Variants in DGKB observed in about 807,000 individuals in gnomAD.
DGKB encodes the protein diacylglycerol kinase beta.
A neutral mutation model predicts 114.3 loss-of-function variants in DGKB; 67 were observed. The observed-to-expected ratio is 0.59, with a 90% confidence interval of 0.48 to 0.72. The LOEUF (loss-of-function observed/expected upper bound fraction) is 0.72. DGKB is among the 30% of genes least tolerant of loss of function. The probability of loss-of-function intolerance (pLI) is 0.00; values close to 1 mark genes in which losing one functional copy is unlikely to be tolerated. For missense variants in DGKB, 907 were observed against 975.2 expected (o/e 0.93, Z 0.93); for synonymous variants, 398 against 323.1 (o/e 1.23, Z -2.49).
At position 14,517,306 on chromosome 7, in the gene DGKB, T is replaced by C. The variant is rs143738565; in HGVS notation, c.1771-39081A>G. ...CCTTATACCACATACAAAAATCAACTCAAGATAGATTAAAGACTTAAATGC... is the reference window on the plus strand; with the variant it reads ...CCTTATACCACATACAAAAATCAACCCAAGATAGATTAAAGACTTAAATGC... On this transcript the variant is annotated intron_variant, in intron 20 of 25. Coordinates refer to ENST00000402815, the MANE Select transcript of DGKB (RefSeq NM_001350709.2). Among the ~76,000 whole-genome samples, 10 of 151,726 alleles carry C rather than the reference T, an allele frequency of 6.6e-5. No homozygotes were observed. The East Asian group carries it at 1.9e-3, about 29-fold the overall frequency.
intron 23 of DGKB, among the ~76,000 whole-genome samples, chr7:14,249,978 A>G (rs1794990485): frequency 1.3e-5 from 2 of 151,580 alleles, no homozygotes; most frequent in Admixed American, 1.3e-4. Flanking sequence ...TTTTGTTGAG[A>G]GAGTCTTGTT....
At chr7:14,749,667 G>A (rs1400298389) in intron 4 of DGKB, among the ~76,000 whole-genome samples, 4 of 152,090 alleles carry the variant, frequency 2.6e-5, no homozygotes, top group Non-Finnish European at 4.4e-5. Context: ...GTGTGACACT[G>A]TCTTGTCACA....
At chr7:14,910,442 G>A (rs992066850) in intron 1 of DGKB, among the ~76,000 whole-genome samples, 1 of 151,952 alleles carries the variant, frequency 6.6e-6, no homozygotes, top group Non-Finnish European at 1.5e-5. Flanking sequence ...AAAAAGACTG[G>A]AAGACATAAA....
chr7:14,718,326 A>G (rs1386682030), intron 6 of DGKB, among the ~76,000 whole-genome samples: 2 of 152,202 alleles, frequency 1.3e-5, no homozygotes, highest in Non-Finnish European at 2.9e-5. Flanking sequence ...GGAAATAATC[A>G]GTAGTAAATG....
intron 1 of DGKB, among the ~76,000 whole-genome samples, chr7:14,920,221 C>T (rs1784447161): frequency 6.6e-6 from 1 of 152,064 alleles, no homozygotes; most frequent in Non-Finnish European, 1.5e-5. Flanking sequence ...AAAAGATATG[C>T]TACAGCCTCA....
Position 14,841,181 on chromosome 7 carries a change from T to C in DGKB, c.70+13A>G. 6.2e-7 allele frequency: 1 copy of C among 1,601,644 alleles called. No individual in the cohort carries two copies. Among genetic ancestry groups the C allele is most frequent in the Non-Finnish European group, 8.5e-7 (1 of 1,170,704 alleles). On this transcript the variant is annotated intron_variant, in intron 2 of 25. Transcript: ENST00000402815. ...ATGTCAAATAATCTCATAATATCAA[T>C]ATGAATACTTACACTCAGCATATTT... is the stretch of plus-strand genomic sequence containing the variant.
chr7:14,244,156 C>T (rs915285631), intron 23 of DGKB, among the ~76,000 whole-genome samples: 21 of 152,058 alleles, frequency 1.4e-4, no homozygotes, highest in Non-Finnish European at 2.4e-4. Flanking sequence ...AAAAGGAGAT[C>T]GAAAGTGGAC....
intron 6 of DGKB, among the ~76,000 whole-genome samples, chr7:14,709,426 G>C (rs1347274588): frequency 4.0e-5 from 5 of 123,604 alleles, no homozygotes; most frequent in Non-Finnish European, 8.7e-5. Context: ...CAGGGATCTA[G>C]AACTGGAAAT....
At chr7:14,758,543 G>T (rs1050572427) in intron 2 of DGKB, among the ~76,000 whole-genome samples, 2 of 151,988 alleles carry the variant, frequency 1.3e-5, no homozygotes, top group Non-Finnish European at 2.9e-5. Flanking sequence ...AATCAAGTTT[G>T]AATAATAATG....
chr7:14,622,148 C>G (rs142769017), intron 14 of DGKB, among the ~76,000 whole-genome samples: 1 of 152,138 alleles, frequency 6.6e-6, no homozygotes. Flanking sequence ...AGTTTCACAT[C>G]TAATGATCAG....
At chr7:14,258,783 A>C (rs752460020) in intron 23 of DGKB, among the ~76,000 whole-genome samples, 2 of 152,200 alleles carry the variant, frequency 1.3e-5, no homozygotes, top group African/African-American at 2.4e-5. Flanking sequence ...TAAATGGAAT[A>C]GTAATCATAT....
At chr7:14,958,835 G>A (rs561907572) in intron 1 of DGKB, among the ~76,000 whole-genome samples, 20 of 152,106 alleles carry the variant, frequency 1.3e-4, no homozygotes, top group South Asian at 4.1e-4. Flanking sequence ...TCTCTCCTCC[G>A]TGGGAGCCTC....
chr7:14,393,548 A>G (rs1005204445), intron 21 of DGKB, among the ~76,000 whole-genome samples: 2 of 152,054 alleles, frequency 1.3e-5, no homozygotes, highest in South Asian at 4.1e-4. Flanking sequence ...ACTGCAAAGT[A>G]TGAGAATTCA....
rs532162578 is a variant in DGKB, at chr7:14,415,812, T to C, written c.1835+62349A>G. Among the ~76,000 whole-genome samples the C allele has an allele frequency of 5.6e-3, 847 of 152,234 alleles. 5 individuals are homozygous for C. Among genetic ancestry groups the C allele is most frequent in the African/African-American group, 0.019 (787 of 41,542 alleles). On this transcript the variant is annotated intron_variant, in intron 21 of 25. Transcript: ENST00000402815. Reference sequence around the variant, plus strand: ...GTAATGGGATGGCTGGGTCAAATGATATTTCTAGTTCTAGATCCCTGAGGA... The same window carrying C: ...GTAATGGGATGGCTGGGTCAAATGACATTTCTAGTTCTAGATCCCTGAGGA...
At chr7:14,334,888 C>A (rs1399631101) in intron 23 of DGKB, among the ~76,000 whole-genome samples, 1 of 152,102 alleles carries the variant, frequency 6.6e-6, no homozygotes, top group African/African-American at 2.4e-5. Flanking sequence ...TACAGTTTTG[C>A]TTCAAGACTA....
intron 1 of DGKB, among the ~76,000 whole-genome samples, chr7:14,938,071 G>A (rs1182824903): frequency 6.6e-6 from 1 of 152,260 alleles, no homozygotes; most frequent in African/African-American, 2.4e-5. Context: ...CCCATACATT[G>A]TTTAAGTGTC....
At chr7:14,578,556 T>TC (rs1799494601) in intron 19 of DGKB, among the ~76,000 whole-genome samples, 1 of 152,152 alleles carries the variant, frequency 6.6e-6, no homozygotes, top group Non-Finnish European at 1.5e-5. Context: ...TACCTTGCTT[T>TC]CCCTAAAATT....
intron 1 of DGKB, among the ~76,000 whole-genome samples, chr7:14,880,382 T>C (rs1416302434): frequency 6.6e-6 from 1 of 152,098 alleles, no homozygotes; most frequent in Non-Finnish European, 1.5e-5. Context: ...TGCTTGAACC[T>C]GGGAGGCGTA....
chr7:14,947,673 T>C (rs1373394511), intron 1 of DGKB, among the ~76,000 whole-genome samples: 1 of 151,106 alleles, frequency 6.6e-6, no homozygotes, highest in East Asian at 2.0e-4. Flanking sequence ...ATTTGTATCA[T>C]GTATGTGTTA....
Sources: gnomAD v4.1 joint callset for allele counts (sites outside exome capture counted in the v4.1 genomes callset) on GRCh38, gnomAD v4.1.1 for gene constraint, MANE v1.5 for transcripts, NCBI Gene and HGNC (gene_info 2026-07-23, HGNC 2026-07-21) for gene names.